ZNF613: variants seen among roughly 807,000 people sequenced by gnomAD.
ZNF613 encodes the protein zinc finger protein 613.
A neutral mutation model predicts 14.3 loss-of-function variants in ZNF613; 8 were observed. The observed-to-expected ratio is 0.56, with a 90% CI of 0.33 to 1.01. The LOEUF (loss-of-function observed/expected upper bound fraction) is 1.01. ZNF613 is among the 50% of genes least tolerant of loss of function. The pLI, the probability that ZNF613 is intolerant of heterozygous loss-of-function variation, is 0.03. For missense variants in ZNF613, 656 were observed against 741.9 expected (o/e 0.88, Z 1.35); for synonymous variants, 228 against 254.5 (o/e 0.90, Z 0.99).
At chr19:51,938,944 G>A (rs563829844) in intron 3 of ZNF613, among the ~76,000 whole-genome samples, 151 of 151,412 alleles carry the variant, frequency 1.0e-3, no homozygotes, top group African/African-American at 3.5e-3. Context: ...AAATATACAT[G>A]TATACATGTT....
chr19:51,932,776 A>G (rs1403061229), intron 2 of ZNF613, among the ~76,000 whole-genome samples: 2 of 151,384 alleles, frequency 1.3e-5, no homozygotes, highest in Non-Finnish European at 2.9e-5. Context: ...CCTGGGCTCA[A>G]GCAATTCTCA....
intron 5 of ZNF613, among the ~76,000 whole-genome samples, chr19:51,940,954 G>T (rs1448536388): frequency 6.6e-6 from 1 of 151,748 alleles, no homozygotes; most frequent in Non-Finnish European, 1.5e-5. Flanking sequence ...TTTTTGAGAT[G>T]GAGTCTCACT....
chr19:51,945,830 A>T lies in ZNF613; in HGVS notation c.*93A>T, dbSNP rs1489051724. ...CACAGAGGAACAAACTGATATATTCAAGGTGGAAAGCCCTTGAATAAAACC... is the reference window on the plus strand; with the variant it reads ...CACAGAGGAACAAACTGATATATTCTAGGTGGAAAGCCCTTGAATAAAACC... On this transcript the variant is annotated 3_prime_UTR_variant, in exon 6 of 6. Transcript: ENST00000293471. 7.1e-7 allele frequency: 1 copy of T among 1,412,998 alleles called. No individual in the cohort carries two copies. Among genetic ancestry groups the T allele is most frequent in the South Asian group, 1.2e-5 (1 of 80,414 alleles). The allele number at this position is 1,412,998 out of a possible 1,614,324, so 87.5% of individuals were successfully genotyped here. A position where few individuals can be genotyped will look rare whatever the true frequency, so the allele number is the denominator to read the frequency against.
At chr19:51,935,051 C>G (rs1167199855) in intron 2 of ZNF613, among the ~76,000 whole-genome samples, 1 of 152,122 alleles carries the variant, frequency 6.6e-6, no homozygotes, top group Non-Finnish European at 1.5e-5. Flanking sequence ...GGAGGGCCAC[C>G]GGGAGCTTGT....
At chr19:51,929,194 A>G (rs1248597514) in intron 1 of ZNF613, among the ~76,000 whole-genome samples, 1 of 152,226 alleles carries the variant, frequency 6.6e-6, no homozygotes, top group Non-Finnish European at 1.5e-5. Context: ...TAGTAAACAT[A>G]TCATCCATGT....
chr19:51,941,461 A>ATT (rs58377201), intron 5 of ZNF613, among the ~76,000 whole-genome samples: 2 of 149,604 alleles, frequency 1.3e-5, no homozygotes, highest in Admixed American at 6.7e-5. Context: ...GATAATGTTG[A>ATT]TTTTTTTTTT....
intron 5 of ZNF613, among the ~76,000 whole-genome samples, chr19:51,943,507 C>T (rs1346062224): frequency 6.6e-6 from 1 of 152,194 alleles, no homozygotes; most frequent in Non-Finnish European, 1.5e-5. Context: ...TATCACAGTG[C>T]TTGTGTTCAA....
At chr19:51,934,522 T>A (rs2085291379) in intron 2 of ZNF613, among the ~76,000 whole-genome samples, 1 of 152,232 alleles carries the variant, frequency 6.6e-6, no homozygotes, top group Non-Finnish European at 1.5e-5. Flanking sequence ...TGTTTTTTAA[T>A]TTTTTAAATA....
chr19:51,940,300 T>A lies in ZNF613; in HGVS notation c.107T>A (p.Val36Glu). The A allele has an allele frequency of 1.9e-6, 3 of 1,613,316 alleles. No homozygotes were observed. The highest frequency in any genetic ancestry group is 2.5e-6 in the Non-Finnish European group (3 of 1,179,678). ...GPAQKDLYRD[V>E]MLENYSNLVS... is the part of the protein sequence containing the mutation. ...GCTCAGAAGGACCTGTACCGAGACGTGATGTTGGAGAACTATAGCAACCTC... is the reference window on the plus strand; with the variant it reads ...GCTCAGAAGGACCTGTACCGAGACGAGATGTTGGAGAACTATAGCAACCTC... The change falls in exon 4 of 6, where the codon GTG becomes GAG. Residue 36 changes from valine (V) to glutamate (E), a missense_variant. Val to Glu is a moderately radical substitution (Grantham distance 121). Transcript: ENST00000293471.
chr19:51,945,640 C>T lies in ZNF613; in HGVS notation c.1757C>T (p.Thr586Ile). The T allele has an allele frequency of 6.2e-7, 1 of 1,613,930 alleles. No individual in the cohort carries two copies. Among genetic ancestry groups the T allele is most frequent in the Non-Finnish European group, 8.5e-7 (1 of 1,179,884 alleles). Residue 586 changes from threonine to isoleucine, a missense_variant, in exon 6 of 6, where the codon ACT becomes ATT. Thr to Ile is a moderately conservative substitution (Grantham distance 89). Transcript: ENST00000293471. ...MPSVAAQTSL[T>I]NSAFQAESKV... The stretch of plus-strand genomic sequence containing the variant: ...TCTGTGGCAGCTCAGACCTCATTAA[C>T]TAACAGTGCGTTCCAAGCAGAGAGC...
chr19:51,941,121 G>A (rs150080102), intron 5 of ZNF613, among the ~76,000 whole-genome samples: 133 of 152,126 alleles, frequency 8.7e-4, no homozygotes, highest in Non-Finnish European at 1.4e-3. Context: ...CAGTGGAGAC[G>A]GGGTTTCACC....
rs983957837 is a variant in ZNF613, at chr19:51,936,114, G to A, written c.-107G>A. 18 of 1,202,520 alleles carry A rather than the reference G, an allele frequency of 1.5e-5. No individual in the cohort carries two copies. Among genetic ancestry groups the A allele is most frequent in the Admixed American group, 2.2e-5 (1 of 45,424 alleles). The allele number at this position is 1,202,520 out of a possible 1,614,324, so 74.5% of individuals were successfully genotyped here. A position where few individuals can be genotyped will look rare whatever the true frequency, so the allele number is the denominator to read the frequency against. On this transcript the variant is annotated 5_prime_UTR_variant, in exon 3 of 6. The change abolishes an upstream ATG in the 5' untranslated region. Transcript: ENST00000293471. ...CCTGGATACCATCCTTTGCAGGGATGTAATTCACCAGAGACCAAGATTTCT... is the reference window on the plus strand; with the variant it reads ...CCTGGATACCATCCTTTGCAGGGATATAATTCACCAGAGACCAAGATTTCT...
intron 2 of ZNF613, among the ~76,000 whole-genome samples, chr19:51,933,970 T>C (rs79350087): frequency 0.041 from 6,227 of 152,158 alleles, 354 homozygotes; most frequent in African/African-American, 0.13. Context: ...GGCTACTTTT[T>C]GTAGTTTTAG....
intron 1 of ZNF613, among the ~76,000 whole-genome samples, chr19:51,928,895 G>T (rs912804818): frequency 3.3e-5 from 5 of 151,250 alleles, no homozygotes; most frequent in African/African-American, 1.2e-4. Flanking sequence ...AAAGAAAAAG[G>T]AAAAAACAAA....
At position 51,936,321 on chromosome 19, in the gene ZNF613, G is replaced by A. The variant is rs1484506891; in HGVS notation, c.15+86G>A. Reference sequence around the variant, plus strand: ...AAAGTCAGTTGAATTAAGTCAAAAAGTATAATTTGGTAAACTAGGATTTGT... The same window carrying A: ...AAAGTCAGTTGAATTAAGTCAAAAAATATAATTTGGTAAACTAGGATTTGT... On this transcript the variant is annotated intron_variant, in intron 3 of 5. Transcript: ENST00000293471. The A allele has an allele frequency of 1.2e-5, 17 of 1,375,892 alleles. No homozygotes were observed. In the East Asian group the frequency reaches 3.7e-4, roughly 30 times the overall value. The allele number at this position is 1,375,892 out of a possible 1,614,324, so 85.2% of individuals were successfully genotyped here.
Position 51,944,509 on chromosome 19 carries a change from G to A in ZNF613, c.626G>A (p.Cys209Tyr). ...NIDKPHVCTE[C>Y]GKAFLKKSRL... is the part of the protein sequence containing the mutation. ...GATAAACCCCATGTATGCACTGAGT[G>A]TGGGAAGGCTTTCCTCAAGAAGTCT... is the stretch of plus-strand genomic sequence containing the variant. The change falls in exon 6 of 6, where the codon TGT becomes TAT. Residue 209 changes from cysteine to tyrosine, a missense_variant. Cys to Tyr is a radical substitution (Grantham distance 194). Coordinates refer to ENST00000293471, the MANE Select transcript of ZNF613 (RefSeq NM_001031721.4). 6.2e-7 allele frequency: 1 copy of A among 1,612,384 alleles called. No individual in the cohort carries two copies. The highest frequency in any genetic ancestry group is 8.5e-7 in the Non-Finnish European group (1 of 1,178,796).
chr19:51,942,012 T>C (rs1176308724), intron 5 of ZNF613, among the ~76,000 whole-genome samples: 3 of 152,250 alleles, frequency 2.0e-5, no homozygotes, highest in Admixed American at 1.3e-4. Context: ...CTTACCATAG[T>C]CTGATGGCAC....
At chr19:51,930,918 C>A (rs1457239687) in intron 2 of ZNF613, among the ~76,000 whole-genome samples, 1 of 152,158 alleles carries the variant, frequency 6.6e-6, no homozygotes, top group Non-Finnish European at 1.5e-5. Context: ...CACCATGTAC[C>A]TACCAACACT....
intron 2 of ZNF613, among the ~76,000 whole-genome samples, chr19:51,930,570 A>G (rs1049472464): frequency 1.3e-5 from 2 of 152,186 alleles, no homozygotes; most frequent in Non-Finnish European, 2.9e-5. Context: ...CCAACATAGT[A>G]TAATGTTTTC....
Sources: allele counts gnomAD v4.1 joint callset (sites outside exome capture counted in the v4.1 genomes callset), GRCh38; gene constraint gnomAD v4.1.1; transcripts MANE v1.5; gene names NCBI Gene and HGNC (gene_info 2026-07-23, HGNC 2026-07-21).